The following CACNA2D3 variants were observed in gnomAD, a reference collection of about 807,000 sequenced individuals.
The protein encoded by CACNA2D3 is calcium voltage-gated channel auxiliary subunit alpha2delta 3, also known as voltage-dependent calcium channel subunit alpha-2/delta-3.
In CACNA2D3, 60 loss-of-function variants were observed where a neutral mutation model predicts 160.6. The observed-to-expected ratio is 0.37, with a 90% CI of 0.30 to 0.46. CACNA2D3 has a LOEUF of 0.46. Ranked by LOEUF, CACNA2D3 falls within the 20% of genes least tolerant of loss-of-function variation. CACNA2D3 has a pLI of 1.00. For missense variants in CACNA2D3, 1,205 were observed against 1,365.0 expected, an observed-to-expected ratio of 0.88 and a Z score of 1.85; for synonymous variants, 558 against 492.9, an observed-to-expected ratio of 1.13 and a Z score of -1.75.
chr3:54,826,160 G>A (rs1358654549), intron 14 of CACNA2D3, among the ~76,000 whole-genome samples: 1 of 152,150 alleles, frequency 6.6e-6, no homozygotes, highest in East Asian at 1.9e-4. Context: ...ATGTTCAGCT[G>A]CCTGATGCTT....
intron 4 of CACNA2D3, among the ~76,000 whole-genome samples, chr3:54,392,015 G>A (rs1317896092): frequency 3.3e-5 from 5 of 152,218 alleles, no homozygotes; most frequent in South Asian, 2.1e-4. Context: ...TTTATGCTGC[G>A]AATTAACATA....
At chr3:54,253,644 T>C (rs1461014063) in intron 2 of CACNA2D3, among the ~76,000 whole-genome samples, 1 of 152,180 alleles carries the variant, frequency 6.6e-6, no homozygotes, top group Non-Finnish European at 1.5e-5. Context: ...CAGTGTCTAT[T>C]CCTGTCATAT....
intron 2 of CACNA2D3, among the ~76,000 whole-genome samples, chr3:54,276,607 A>C (rs1702745661): frequency 1.3e-5 from 2 of 150,584 alleles, no homozygotes; most frequent in South Asian, 4.2e-4. Context: ...GAAGAAAGAG[A>C]GAGCCATTAG....
intron 9 of CACNA2D3, among the ~76,000 whole-genome samples, chr3:54,603,683 A>G (rs1703107125): frequency 6.6e-6 from 1 of 152,238 alleles, no homozygotes; most frequent in South Asian, 2.1e-4. Flanking sequence ...CACAGCAATG[A>G]CGCTTTGTCT....
intron 2 of CACNA2D3, among the ~76,000 whole-genome samples, chr3:54,220,087 TC>T (rs1440067010): frequency 2.0e-5 from 3 of 152,144 alleles, no homozygotes; most frequent in African/African-American, 7.2e-5. Flanking sequence ...ATTGAGAACT[TC>T]CATACAAAGG....
chr3:54,976,660 A>C (rs183983582), intron 29 of CACNA2D3, among the ~76,000 whole-genome samples: 2 of 152,224 alleles, frequency 1.3e-5, no homozygotes, highest in East Asian at 3.9e-4. Flanking sequence ...GTCATGTTTT[A>C]TGAAAAACTT....
intron 15 of CACNA2D3, among the ~76,000 whole-genome samples, chr3:54,838,312 TGTA>T (rs2106758961): frequency 6.6e-6 from 1 of 152,298 alleles, no homozygotes; most frequent in South Asian, 2.1e-4. Flanking sequence ...GGGAAGCTAT[TGTA>T]GTATCTTGGT....
At chr3:54,165,669 G>C (rs1051325655) in intron 2 of CACNA2D3, among the ~76,000 whole-genome samples, 2 of 151,192 alleles carry the variant, frequency 1.3e-5, no homozygotes, top group East Asian at 3.9e-4. Flanking sequence ...CAGCTACTCC[G>C]GAGGCTGAGG....
intron 13 of CACNA2D3, among the ~76,000 whole-genome samples, chr3:54,809,524 T>G (rs576151038): frequency 6.9e-6 from 1 of 145,920 alleles, no homozygotes; most frequent in South Asian, 2.1e-4. Context: ...TTCACCTTGT[T>G]AGCCAGGATG....
chr3:54,140,668 C>T (rs955009821), intron 2 of CACNA2D3, among the ~76,000 whole-genome samples: 2 of 152,188 alleles, frequency 1.3e-5, no homozygotes, highest in African/African-American at 4.8e-5. Flanking sequence ...GCTGTGTGGC[C>T]TTAGGCAAGT....
intron 14 of CACNA2D3, among the ~76,000 whole-genome samples, chr3:54,836,388 C>T (rs1306182798): frequency 2.0e-5 from 3 of 151,932 alleles, no homozygotes; most frequent in Non-Finnish European, 4.4e-5. Context: ...GCACCTGCCA[C>T]CACACCTGGC....
chr3:54,681,209 T>C (rs1700341906), intron 11 of CACNA2D3, among the ~76,000 whole-genome samples: 1 of 151,532 alleles, frequency 6.6e-6, no homozygotes, highest in South Asian at 2.1e-4. Context: ...TATTATACCA[T>C]GTCATCATGG....
intron 4 of CACNA2D3, among the ~76,000 whole-genome samples, chr3:54,493,831 A>G (rs1318487520): frequency 6.6e-6 from 1 of 152,224 alleles, no homozygotes; most frequent in Non-Finnish European, 1.5e-5. Context: ...CGTTTGTATT[A>G]TCTATGGCAG....
intron 4 of CACNA2D3, among the ~76,000 whole-genome samples, chr3:54,465,315 T>G (rs1362644945): frequency 6.6e-6 from 1 of 152,174 alleles, no homozygotes; most frequent in Non-Finnish European, 1.5e-5. Flanking sequence ...AGATCATTAT[T>G]TTTGAATTTG....
chr3:54,963,589 T>G (rs1297849876), intron 27 of CACNA2D3, among the ~76,000 whole-genome samples: 1 of 152,196 alleles, frequency 6.6e-6, no homozygotes, highest in Non-Finnish European at 1.5e-5. Context: ...ATCAGAGCAT[T>G]CAAGGTCAGC....
chr3:54,744,257 G>C (rs1164225058), intron 11 of CACNA2D3, among the ~76,000 whole-genome samples: 1 of 152,092 alleles, frequency 6.6e-6, no homozygotes, highest in Admixed American at 6.5e-5. Context: ...CCACTAAGAG[G>C]GCCCATCTTG....
intron 4 of CACNA2D3, among the ~76,000 whole-genome samples, chr3:54,496,666 T>G (rs1701208041): frequency 6.6e-6 from 1 of 152,190 alleles, no homozygotes; most frequent in Non-Finnish European, 1.5e-5. Flanking sequence ...AAATTATCCA[T>G]TTTTAAAATG....
At chr3:55,030,308 G>A (rs1037208401) in intron 35 of CACNA2D3, among the ~76,000 whole-genome samples, 1 of 152,166 alleles carries the variant, frequency 6.6e-6, no homozygotes, top group African/African-American at 2.4e-5. Context: ...CAGCATTAAA[G>A]GTTTAAAACA....
At chr3:54,493,532 T>TCAGCCAATC (rs1701150458) in intron 4 of CACNA2D3, among the ~76,000 whole-genome samples, 2 of 152,236 alleles carry the variant, frequency 1.3e-5, no homozygotes, top group African/African-American at 4.8e-5. Context: ...ACCCTCTCAT[T>TCAGCCAATC]CAGCCAATCT....
Sources: allele counts gnomAD v4.1 joint callset (sites outside exome capture counted in the v4.1 genomes callset), GRCh38; gene constraint gnomAD v4.1.1; transcripts MANE v1.5; gene names NCBI Gene and HGNC (gene_info 2026-07-23, HGNC 2026-07-21).